Variants in PELI2 observed in about 807,000 individuals in gnomAD.
The protein encoded by PELI2 is pellino E3 ubiquitin protein ligase family member 2.
PELI2 carries 23 observed loss-of-function variants against 42.3 expected under a neutral mutation model. That is an observed-to-expected ratio of 0.54 (90% CI 0.39 to 0.77). The LOEUF (loss-of-function observed/expected upper bound fraction) is 0.77. Among genes scored for constraint, PELI2 ranks in the 30% least tolerant of loss-of-function variants. The pLI is 0.00. For synonymous variants in PELI2, 245 were observed against 212.2 expected (o/e 1.15, Z -1.34); for missense variants, 463 against 553.2 (o/e 0.84, Z 1.64).
intron 2 of PELI2, among the ~76,000 whole-genome samples, chr14:56,187,490 A>G (rs938493451): frequency 6.6e-6 from 1 of 152,192 alleles, no homozygotes; most frequent in Non-Finnish European, 1.5e-5. Context: ...CGCTTGTAGT[A>G]GAGAATATAT....
chr14:56,221,221 A>T (rs1434673508), intron 2 of PELI2, among the ~76,000 whole-genome samples: 1 of 152,198 alleles, frequency 6.6e-6, no homozygotes, highest in African/African-American at 2.4e-5. Flanking sequence ...CCTAAGGAGG[A>T]TCTGTGCCCA....
At chr14:56,183,805 TACTC>T (rs1447631341) in intron 2 of PELI2, among the ~76,000 whole-genome samples, 4 of 152,156 alleles carry the variant, frequency 2.6e-5, no homozygotes, top group Non-Finnish European at 4.4e-5. Context: ...TTATTAGTCA[TACTC>T]AAGAAAAATG....
intron 1 of PELI2, among the ~76,000 whole-genome samples, chr14:56,152,996 C>G (rs1884420127): frequency 6.6e-6 from 1 of 152,128 alleles, no homozygotes; most frequent in African/African-American, 2.4e-5. Flanking sequence ...CTCTGCAGTT[C>G]CAAAATTAGC....
intron 2 of PELI2, among the ~76,000 whole-genome samples, chr14:56,234,582 C>T (rs141099322): frequency 3.4e-4 from 52 of 152,150 alleles, no homozygotes; most frequent in East Asian, 2.1e-3. Context: ...TGGGGAACAT[C>T]GCACACCAGG....
chr14:56,219,046 T>A lies in PELI2; in HGVS notation c.207+40582T>A, dbSNP rs1887023802. On this transcript the variant is annotated intron_variant, in intron 2 of 5. Transcript: ENST00000267460. This position sits in a 1 kb window ranked among gnomAD's most constrained non-coding sequence, Gnocchi z 4.1. Reference sequence around the variant, plus strand: ...TGAGCATGACCAGATCCATTTCCTGTTTTTTTCACATTTCTTTTTCTAAGA... The same window carrying A: ...TGAGCATGACCAGATCCATTTCCTGATTTTTTCACATTTCTTTTTCTAAGA... Among the ~76,000 whole-genome samples, 2 of 152,098 alleles carry A rather than the reference T, an allele frequency of 1.3e-5. No individual in the cohort carries two copies. The highest frequency in any genetic ancestry group is 2.9e-5 in the Non-Finnish European group (2 of 67,972).
At chr14:56,251,360 C>G (rs1384972173) in intron 2 of PELI2, among the ~76,000 whole-genome samples, 1 of 152,144 alleles carries the variant, frequency 6.6e-6, no homozygotes, top group African/African-American at 2.4e-5. Flanking sequence ...AGCTTATTTT[C>G]TTATTTTATT....
At chr14:56,235,867 G>A (rs937249504) in intron 2 of PELI2, among the ~76,000 whole-genome samples, 1 of 152,164 alleles carries the variant, frequency 6.6e-6, no homozygotes, top group African/African-American at 2.4e-5. Flanking sequence ...GTACATTTAG[G>A]TACAAAGGCA....
intron 5 of PELI2, chr14:56,293,026 G>A (rs549461298): frequency 6.2e-6 from 1 of 160,346 alleles, no homozygotes; most frequent in East Asian, 1.9e-4. Flanking sequence ...AATAACCATA[G>A]CGTAGCTATG....
rs559012562 is a variant in PELI2 at position 56,150,577 on chromosome 14, G to C, written c.78-27758G>C. Among the ~76,000 whole-genome samples the C allele has an allele frequency of 3.0e-4, 45 of 152,022 alleles. No homozygotes were observed. In the South Asian group the frequency reaches 9.1e-3, roughly 31 times the overall value. On this transcript the variant is annotated intron_variant, in intron 1 of 5. Coordinates refer to ENST00000267460, the MANE Select transcript of PELI2 (RefSeq NM_021255.3). ...AATTAACATAACTAAGAATGTTTAA[G>C]TATCTGTTTATATATTTTTGAGGTA...
At chr14:56,225,102 G>A (rs770462006) in intron 2 of PELI2, among the ~76,000 whole-genome samples, 4 of 152,198 alleles carry the variant, frequency 2.6e-5, no homozygotes, top group African/African-American at 4.8e-5. Context: ...ATACATGTGC[G>A]TGTGCATATG....
At chr14:56,249,255 G>T (rs1454907876) in intron 2 of PELI2, among the ~76,000 whole-genome samples, 1 of 152,238 alleles carries the variant, frequency 6.6e-6, no homozygotes, top group African/African-American at 2.4e-5. Flanking sequence ...ATAGGGGTGG[G>T]AGAGAAGAAA....
At chr14:56,261,387 TTCTTC>T (rs143605444) in intron 2 of PELI2, among the ~76,000 whole-genome samples, 2,489 of 152,280 alleles carry the variant, frequency 0.016, 68 homozygotes, top group African/African-American at 0.057. Flanking sequence ...TCTTTACTGG[TTCTTC>T]TCTTCTCTTA....
chr14:56,268,682 C>CT (rs1888993466), intron 2 of PELI2, among the ~76,000 whole-genome samples: 1 of 152,190 alleles, frequency 6.6e-6, no homozygotes, highest in East Asian at 1.9e-4. Flanking sequence ...TTCTCCATCT[C>CT]TTATCAGGTG....
chr14:56,188,119 C>G (rs1335378619), intron 2 of PELI2, among the ~76,000 whole-genome samples: 2 of 152,216 alleles, frequency 1.3e-5, no homozygotes, highest in Non-Finnish European at 2.9e-5. Flanking sequence ...TAGAATGCCT[C>G]TTGTAAATCC....
chr14:56,287,868 G>C (rs1486652597), intron 3 of PELI2, among the ~76,000 whole-genome samples: 1 of 152,166 alleles, frequency 6.6e-6, no homozygotes, highest in African/African-American at 2.4e-5. Flanking sequence ...TTTGAGACCA[G>C]AATAAAAATG....
At chr14:56,138,459 GTTC>G (rs889287272) in intron 1 of PELI2, among the ~76,000 whole-genome samples, 2 of 148,814 alleles carry the variant, frequency 1.3e-5, no homozygotes, top group South Asian at 2.1e-4. Flanking sequence ...TGATTCTGTG[GTTC>G]TTTTTTTTTT....
chr14:56,252,295 G>C (rs763644977), intron 2 of PELI2, among the ~76,000 whole-genome samples: 13 of 152,188 alleles, frequency 8.5e-5, no homozygotes, highest in Non-Finnish European at 1.9e-4. Context: ...ATTTCCCAAA[G>C]CAGAGGTGTT....
intron 3 of PELI2, among the ~76,000 whole-genome samples, chr14:56,280,207 G>A (rs763779706): frequency 2.0e-5 from 3 of 152,014 alleles, no homozygotes; most frequent in Non-Finnish European, 2.9e-5. Context: ...AATGCCTTAC[G>A]TGCTTTCATT....
chr14:56,186,967 G>T (rs1015879228), intron 2 of PELI2, among the ~76,000 whole-genome samples: 2 of 152,090 alleles, frequency 1.3e-5, no homozygotes, highest in African/African-American at 2.4e-5. Flanking sequence ...TGGAGGAAAA[G>T]AATCTTCTGC....
Sources: gnomAD v4.1 joint callset for allele counts (sites outside exome capture counted in the v4.1 genomes callset) on GRCh38, gnomAD v4.1.1 for gene constraint, Gnocchi (gnomAD v3.1) non-coding constraint, MANE v1.5 for transcripts, NCBI Gene and HGNC (gene_info 2026-07-23, HGNC 2026-07-21) for gene names.